The following RHOBTB2 variants were observed in gnomAD, a reference collection of about 807,000 sequenced individuals.
RHOBTB2 encodes the protein Rho related BTB domain containing 2.
In RHOBTB2, 39 loss-of-function variants were observed where a neutral mutation model predicts 66.5. The ratio of observed to expected loss-of-function variants is 0.59; its 90% confidence interval spans 0.45 to 0.77. The LOEUF (loss-of-function observed/expected upper bound fraction) is 0.77, where lower values mean the gene tolerates loss of function less well. RHOBTB2 is among the 30% of genes least tolerant of loss of function. RHOBTB2 has a pLI of 0.00. For missense variants in RHOBTB2, 755 were observed against 999.1 expected, an observed-to-expected ratio of 0.76 and a Z score of 3.29; for synonymous variants, 390 against 395.0, an observed-to-expected ratio of 0.99 and a Z score of 0.15.
At chr8:22,973,653 G>T in the RHOBTB2 span, among the ~76,000 whole-genome samples, 1 of 152,158 alleles carries the variant, frequency 6.6e-6, no homozygotes, top group South Asian at 2.1e-4. Flanking sequence ...AACGATCACT[G>T]AATGAATGGA....
chr8:22,973,933 T>C, the RHOBTB2 span, among the ~76,000 whole-genome samples: 1 of 151,062 alleles, frequency 6.6e-6, no homozygotes, highest in Admixed American at 6.6e-5. Context: ...GCCCCACCAT[T>C]TGAGTCAGAT....
upstream of RHOBTB2, among the ~76,000 whole-genome samples, chr8:22,985,268 G>A (rs1015497697): frequency 4.6e-5 from 7 of 152,236 alleles, no homozygotes; most frequent in Non-Finnish European, 8.8e-5. Context: ...CAATCACTTC[G>A]ATCTAAGAAG....
chr8:23,006,974 C>T lies in RHOBTB2; in HGVS notation c.729C>T (p.Ile243=), dbSNP rs148491127. The T allele has an allele frequency of 3.9e-5, 63 of 1,610,886 alleles. No homozygotes were observed. Among genetic ancestry groups the T allele is most frequent in the African/African-American group, 3.7e-4 (28 of 75,050 alleles). The part of the protein sequence containing the change: ...FLPPKPPPPI[I]VVPDPPSSSE... ...CCCCCAAGCCACCGCCCCCGATCAT[C>T]GTGGTGCCCGACCCTCCCTCCAGCA... Residue 243 remains isoleucine, a synonymous_variant, in exon 5 of 10, where the codon ATC becomes ATT. Transcript: ENST00000251822. This position sits in a 1 kb window ranked among gnomAD's most constrained non-coding sequence, Gnocchi z 6.1.
chr8:22,979,979 C>T, the RHOBTB2 span, among the ~76,000 whole-genome samples: 1 of 151,948 alleles, frequency 6.6e-6, no homozygotes, highest in African/African-American at 2.4e-5. Context: ...AGGATAGTCT[C>T]GATCTATTGA....
chr8:23,010,433 G>C, intron 6 of RHOBTB2, 105 bp from the exon 7 acceptor site: 1 of 1,336,864 alleles, frequency 7.5e-7, no homozygotes, highest in Non-Finnish European at 1.0e-6. Context: ...TGCCCGTCTG[G>C]GGGAGCCTGG....
chr8:23,007,350 G>T lies in RHOBTB2; in HGVS notation c.1105G>T (p.Gly369Trp), dbSNP rs768876803. 4.3e-6 allele frequency: 7 copies of T among 1,613,602 alleles called. No individual in the cohort carries two copies. The African/African-American group carries it at 9.3e-5, about 22-fold the overall frequency. The change falls in exon 5 of 10, where the codon GGG becomes TGG. Residue 369 changes from glycine (G) to tryptophan (W), a missense_variant. Coordinates refer to ENST00000251822, the MANE Select transcript of RHOBTB2 (RefSeq NM_015178.3). ...TGGCCTCCGTGCTTCCACCAGCGAC[G>T]GGATCTTACGGGGCAACGGAACAGG... ...PAGLRASTSD[G>W]ILRGNGTGYL... is the part of the protein sequence containing the mutation.
At chr8:22,999,510 C>T (rs1810692061), upstream of RHOBTB2, 1 of 1,060,232 alleles carries the variant, frequency 9.4e-7, no homozygotes, top group Non-Finnish European at 1.2e-6. Context: ...CCTCCCCGCC[C>T]CCCGAACGCT....
At chr8:22,995,172 A>C (rs1810513989), upstream of RHOBTB2, among the ~76,000 whole-genome samples, 1 of 152,136 alleles carries the variant, frequency 6.6e-6, no homozygotes, top group Non-Finnish European at 1.5e-5. Flanking sequence ...ACCTCAAGCT[A>C]TTCTCTCAGC....
At chr8:22,988,706 C>T (rs2466186) in intron 1 of RHOBTB2, among the ~76,000 whole-genome samples, 12 of 152,148 alleles carry the variant, frequency 7.9e-5, no homozygotes, top group Non-Finnish European at 1.3e-4. Context: ...ACAGAGACCC[C>T]CAACCACTCC....
At chr8:22,955,429 A>G in the RHOBTB2 span, among the ~76,000 whole-genome samples, 1 of 152,270 alleles carries the variant, frequency 6.6e-6, no homozygotes, top group South Asian at 2.1e-4. Context: ...CTCTGGCTCC[A>G]TGTCCTCCAG....
At chr8:22,973,566 T>C in the RHOBTB2 span, among the ~76,000 whole-genome samples, 2 of 152,008 alleles carry the variant, frequency 1.3e-5, no homozygotes, top group African/African-American at 2.4e-5. Context: ...CGAGAGACCC[T>C]GGAGGGCAAG....
chr8:22,952,227 C>T, the RHOBTB2 span, among the ~76,000 whole-genome samples: 1 of 152,078 alleles, frequency 6.6e-6, no homozygotes, highest in Non-Finnish European at 1.5e-5. Context: ...TATCTTGAAA[C>T]AATGGCCATT....
chr8:22,960,110 G>A, the RHOBTB2 span, among the ~76,000 whole-genome samples: 1 of 150,760 alleles, frequency 6.6e-6, no homozygotes, highest in African/African-American at 2.4e-5. Context: ...CTGAACCCAG[G>A]AAGTGGAGGT....
Position 22,994,409 on chromosome 8 carries a change from G to A in RHOBTB2, c.-23-152G>A, listed in dbSNP as rs552641213. Among the ~76,000 whole-genome samples the A allele has an allele frequency of 1.6e-4, 25 of 152,304 alleles. 1 individual carries two copies. The South Asian group carries it at 3.7e-3, about 23-fold the overall frequency. On this transcript the variant is annotated intron_variant, in intron 2 of 11. Coordinates refer to the RHOBTB2 transcript ENST00000519685. ...CCCCCAGGCTGGGGTCTCACCCCGC[G>A]CTGGACCCGGACATCAGGGGCCGCT...
upstream of RHOBTB2, among the ~76,000 whole-genome samples, chr8:22,995,427 G>A (rs1810523414): frequency 6.6e-6 from 1 of 152,242 alleles, no homozygotes; most frequent in African/African-American, 2.4e-5. Context: ...GGAAGAACAG[G>A]AAAGTTACAC....
rs1044317764 is a variant in RHOBTB2 at position 23,019,131 on chromosome 8, A to C, written c.*1662A>C. On this transcript the variant is annotated 3_prime_UTR_variant, in exon 10 of 10. Coordinates refer to ENST00000251822, the MANE Select transcript of RHOBTB2 (RefSeq NM_015178.3). Reference sequence around the variant, plus strand: ...CAGAGCTCAGGAGTCGCCTTACCTGAGAGAGATGTTCTAGCTGAGAGGGCC... The same window carrying C: ...CAGAGCTCAGGAGTCGCCTTACCTGCGAGAGATGTTCTAGCTGAGAGGGCC... The C allele has an allele frequency of 6.6e-6, 1 of 152,302 alleles. No individual in the cohort carries two copies. Among genetic ancestry groups the C allele is most frequent in the African/African-American group, 2.4e-5 (1 of 41,410 alleles). 9.4% of individuals were successfully genotyped at this position (152,302 alleles called of 1,614,324 possible).
chr8:22,988,886 C>T (rs1289665942), intron 1 of RHOBTB2, among the ~76,000 whole-genome samples: 3 of 152,152 alleles, frequency 2.0e-5, no homozygotes, highest in Non-Finnish European at 2.9e-5. Flanking sequence ...GAGAAGGGCA[C>T]GGGCTCTGCA....
chr8:23,002,711 A>G (rs1810820575), intron 1 of RHOBTB2, among the ~76,000 whole-genome samples: 1 of 151,888 alleles, frequency 6.6e-6, no homozygotes, highest in African/African-American at 2.4e-5. Context: ...AAAAACAAAA[A>G]ACGGTTGTCT....
At position 23,002,400 on chromosome 8, in the gene RHOBTB2, C is replaced by A. The variant is rs144330686; in HGVS notation, c.-10-2025C>A. Among the ~76,000 whole-genome samples the A allele has an allele frequency of 4.2e-3, 640 of 152,252 alleles. 8 individuals are homozygous for A. Among genetic ancestry groups the A allele is most frequent in the African/African-American group, 0.015 (614 of 41,550 alleles). ...CTGTGGTTAGAATAACAGTTCTTAACAGTTCTCTGGGCCAGGTGTGGTGGC... is the reference window on the plus strand; with the variant it reads ...CTGTGGTTAGAATAACAGTTCTTAAAAGTTCTCTGGGCCAGGTGTGGTGGC... On this transcript the variant is annotated intron_variant, in intron 1 of 9. Transcript: ENST00000251822.
Sources: allele counts gnomAD v4.1 joint callset (sites outside exome capture counted in the v4.1 genomes callset), GRCh38; gene constraint gnomAD v4.1.1; non-coding constraint Gnocchi (gnomAD v3.1); transcripts MANE v1.5; gene names NCBI Gene and HGNC (gene_info 2026-07-23, HGNC 2026-07-21).